SGCZ: variants seen among roughly 807,000 people sequenced by gnomAD.
SGCZ encodes zeta-sarcoglycan.
A neutral mutation model predicts 41.3 loss-of-function variants in SGCZ; 40 were observed. That is an observed-to-expected ratio of 0.97 (90% CI 0.75 to 1.26). The LOEUF is 1.26. Ranked by LOEUF, SGCZ falls within the 50% of genes most tolerant of loss-of-function variation. The pLI is 0.00. For synonymous variants in SGCZ, 206 were observed against 137.5 expected (o/e 1.50, Z -3.49); for missense variants, 552 against 369.8 (o/e 1.49, Z -4.04).
At chr8:14,341,360 A>C (rs1802698966) in intron 2 of SGCZ, among the ~76,000 whole-genome samples, 1 of 152,312 alleles carries the variant, frequency 6.6e-6, no homozygotes, top group Non-Finnish European at 1.5e-5. Context: ...GTATTTTCAC[A>C]ATGCTTGTAC....
At chr8:14,562,826 G>A (rs1804245979) in intron 1 of SGCZ, among the ~76,000 whole-genome samples, 2 of 151,998 alleles carry the variant, frequency 1.3e-5, no homozygotes, top group Admixed American at 1.3e-4. Flanking sequence ...AAACAAATGA[G>A]GAAAATGAAT....
Position 14,687,153 on chromosome 8 carries a change from C to A in SGCZ, c.40-132227G>T, listed in dbSNP as rs948112740. Reference sequence around the variant, plus strand: ...CAGTTCATTTCCCAAGGCTTTTACTCACTTTAAAGAAAAAAAAAATATATA... The same window carrying A: ...CAGTTCATTTCCCAAGGCTTTTACTAACTTTAAAGAAAAAAAAAATATATA... On this transcript the variant is annotated intron_variant, in intron 1 of 7. Transcript: ENST00000382080. Among the ~76,000 whole-genome samples the A allele has an allele frequency of 1.0e-3, 149 of 143,366 alleles. 2 individuals carry two copies. The highest frequency in any genetic ancestry group is 3.6e-3 in the African/African-American group (144 of 39,622). 94.1% of individuals were successfully genotyped at this position (143,366 alleles called of 152,430 possible). A position where few individuals can be genotyped will look rare whatever the true frequency, so the allele number is the denominator to read the frequency against.
intron 3 of SGCZ, among the ~76,000 whole-genome samples, chr8:14,282,739 C>A (rs1224204010): frequency 6.6e-6 from 1 of 151,994 alleles, no homozygotes; most frequent in Non-Finnish European, 1.5e-5. Context: ...TTAGGTCTTC[C>A]AATTCTTTCA....
intron 1 of SGCZ, among the ~76,000 whole-genome samples, chr8:14,563,933 G>A (rs1458830263): frequency 1.3e-5 from 2 of 151,960 alleles, no homozygotes; most frequent in African/African-American, 2.4e-5. Context: ...CGTAAACCCT[G>A]AATATAATGA....
chr8:15,147,672 A>C (rs1799073176), intron 1 of SGCZ, among the ~76,000 whole-genome samples: 1 of 152,176 alleles, frequency 6.6e-6, no homozygotes, highest in South Asian at 2.1e-4. Flanking sequence ...AAAAACTTGC[A>C]GTAGGGGCTG....
chr8:14,287,574 C>A (rs1027035234), intron 3 of SGCZ, among the ~76,000 whole-genome samples: 2 of 152,052 alleles, frequency 1.3e-5, no homozygotes, highest in African/African-American at 4.8e-5. Flanking sequence ...TTACAAAATG[C>A]TCTTTGAACT....
intron 5 of SGCZ, among the ~76,000 whole-genome samples, chr8:14,159,619 G>C (rs1413481560): frequency 6.6e-6 from 1 of 152,144 alleles, no homozygotes; most frequent in Non-Finnish European, 1.5e-5. Flanking sequence ...AAACTTTAAA[G>C]TTTCAGCAGA....
chr8:14,994,125 C>T (rs1389837098), intron 1 of SGCZ, among the ~76,000 whole-genome samples: 1 of 152,146 alleles, frequency 6.6e-6, no homozygotes. Context: ...TCATTCATTT[C>T]TGTCTTTATT....
chr8:15,156,794 A>G (rs1330996168), intron 1 of SGCZ, among the ~76,000 whole-genome samples: 1 of 152,028 alleles, frequency 6.6e-6, no homozygotes, highest in Non-Finnish European at 1.5e-5. Flanking sequence ...AATACAAAAA[A>G]TTAGCTGAGT....
intron 1 of SGCZ, among the ~76,000 whole-genome samples, chr8:15,141,004 G>C (rs1427379600): frequency 6.6e-6 from 1 of 152,170 alleles, no homozygotes; most frequent in Non-Finnish European, 1.5e-5. Flanking sequence ...AAACTATGAT[G>C]ACATAAACTT....
At chr8:14,496,255 G>C (rs138174667) in intron 2 of SGCZ, among the ~76,000 whole-genome samples, 100 of 151,790 alleles carry the variant, frequency 6.6e-4, no homozygotes, top group African/African-American at 2.3e-3. Context: ...TTTTTGGAGA[G>C]ACAAAAATCC....
intron 3 of SGCZ, among the ~76,000 whole-genome samples, chr8:14,310,326 T>C (rs569340551): frequency 2.0e-5 from 3 of 152,292 alleles, no homozygotes; most frequent in Admixed American, 1.3e-4. Flanking sequence ...ATTAATTTTG[T>C]GCAGTCTTTG....
At chr8:14,506,637 T>C (rs1439513168) in intron 2 of SGCZ, among the ~76,000 whole-genome samples, 1 of 152,228 alleles carries the variant, frequency 6.6e-6, no homozygotes, top group African/African-American at 2.4e-5. Flanking sequence ...CTCTTTCCCC[T>C]TCTGTCTGGA....
intron 1 of SGCZ, among the ~76,000 whole-genome samples, chr8:15,112,820 G>A (rs990912709): frequency 7.2e-5 from 11 of 152,216 alleles, no homozygotes; most frequent in African/African-American, 2.7e-4. Context: ...GCTGTGTGGA[G>A]CAGGAATGAG....
intron 1 of SGCZ, among the ~76,000 whole-genome samples, chr8:14,649,083 G>C (rs1470200): frequency 0.76 from 115,530 of 152,058 alleles, 44,035 homozygotes; most frequent in East Asian, 0.91. Context: ...CTGACTGCGT[G>C]TTTTCAAAAG....
At chr8:14,743,620 C>A (rs1376353892) in intron 1 of SGCZ, among the ~76,000 whole-genome samples, 3 of 151,852 alleles carry the variant, frequency 2.0e-5, no homozygotes, top group Non-Finnish European at 1.5e-5. Context: ...TAATTTAATG[C>A]AATAAAATTG....
chr8:14,734,433 G>T (rs1798965902), intron 1 of SGCZ, among the ~76,000 whole-genome samples: 1 of 152,078 alleles, frequency 6.6e-6, no homozygotes, highest in Non-Finnish European at 1.5e-5. Context: ...TCACGCATTT[G>T]CCCCGAAACT....
At chr8:14,955,330 G>C (rs1276379222) in intron 1 of SGCZ, among the ~76,000 whole-genome samples, 1 of 152,168 alleles carries the variant, frequency 6.6e-6, no homozygotes, top group African/African-American at 2.4e-5. Context: ...AAGCCTATCA[G>C]TTTGTCCTTC....
intron 2 of SGCZ, among the ~76,000 whole-genome samples, chr8:14,464,744 GT>G (rs1447192800): frequency 6.6e-6 from 1 of 151,424 alleles, no homozygotes; most frequent in Non-Finnish European, 1.5e-5. Context: ...AATACGCCAT[GT>G]AACACTGATT....
Sources: gnomAD v4.1 joint callset for allele counts (sites outside exome capture counted in the v4.1 genomes callset) on GRCh38, gnomAD v4.1.1 for gene constraint, MANE v1.5 for transcripts, NCBI Gene and HGNC (gene_info 2026-07-23, HGNC 2026-07-21) for gene names.